The following SH2D1A variants were observed in gnomAD, a reference collection of about 807,000 sequenced individuals.
SH2D1A encodes SH2 domain-containing protein 1A.
Under a neutral mutation model 10.1 loss-of-function variants are expected in SH2D1A, and 6 were observed. The observed-to-expected ratio is 0.60, with a 90% CI of 0.33 to 1.18. The LOEUF is 1.18. SH2D1A is among the 50% of genes most tolerant of loss of function. The pLI, the probability that SH2D1A is intolerant of heterozygous loss-of-function variation, is 0.04. For synonymous variants in SH2D1A, 42 were observed against 36.9 expected, an observed-to-expected ratio of 1.14 and a Z score of -0.51; for missense variants, 51 against 97.6, an observed-to-expected ratio of 0.52 and a Z score of 2.01.
chrX:124,363,482 GA>G (rs1485284294), intron 1 of SH2D1A, among the ~76,000 whole-genome samples: 2 of 111,624 alleles, frequency 1.8e-5, no homozygotes, highest in East Asian at 5.6e-4. Context: ...TAATGGAGCT[GA>G]AAAATTCCTA....
intron 1 of SH2D1A, 104 bp downstream of exon 1, chrX:124,346,883 G>C: frequency 2.0e-6 from 2 of 978,272 alleles, no homozygotes; most frequent in Non-Finnish European, 2.9e-6. Flanking sequence ...GCCGGCGTTA[G>C]CAGCTCGCCG....
At chrX:124,350,020 A>G (rs1362908356) in intron 1 of SH2D1A, among the ~76,000 whole-genome samples, 2 of 99,967 alleles carry the variant, frequency 2.0e-5, no homozygotes, top group African/African-American at 3.6e-5. Flanking sequence ...TTTCTTCTAT[A>G]TTTTAATAAG....
chrX:124,346,726 C>T lies in SH2D1A; in HGVS notation c.84C>T (p.Ser28=), dbSNP rs748536692. 4 of 1,210,185 alleles carry T rather than the reference C, an allele frequency of 3.3e-6. No individual in the cohort carries two copies. The Admixed American group carries it at 6.5e-5, about 20-fold the overall frequency. The change falls in exon 1 of 4, where the codon AGC becomes AGT. Residue 28 remains serine, a synonymous_variant. Coordinates refer to ENST00000371139, the MANE Select transcript of SH2D1A (RefSeq NM_002351.5). ...KLLLATGLDG[S]YLLRDSESVP... ...TGCTTGCCACTGGGCTGGATGGCAGCTATTTGCTGAGGGACAGCGAGAGCG... is the reference window on the plus strand; with the variant it reads ...TGCTTGCCACTGGGCTGGATGGCAGTTATTTGCTGAGGGACAGCGAGAGCG...
At chrX:124,352,414 G>T (rs1192680975) in intron 1 of SH2D1A, among the ~76,000 whole-genome samples, 1 of 110,810 alleles carries the variant, frequency 9.0e-6, no homozygotes, top group African/African-American at 3.3e-5. Flanking sequence ...AAAATTATTT[G>T]CTATTCTTAT....
chrX:124,369,018 TAG>T (rs1222226862), intron 2 of SH2D1A, among the ~76,000 whole-genome samples: 3 of 111,083 alleles, frequency 2.7e-5, no homozygotes, highest in African/African-American at 9.8e-5. Flanking sequence ...AACACTAATA[TAG>T]AGCTAAAAAG....
At chrX:124,350,634 ATT>A (rs2060010451) in intron 1 of SH2D1A, among the ~76,000 whole-genome samples, 1 of 48,235 alleles carries the variant, frequency 2.1e-5, no homozygotes, top group African/African-American at 9.9e-5. Flanking sequence ...TATATTATAT[ATT>A]GTATATAAGA....
intron 2 of SH2D1A, 49 bp from the exon 3 acceptor site, chrX:124,370,127 G>A (rs1444123237): frequency 4.2e-6 from 4 of 963,256 alleles, no homozygotes; most frequent in Middle Eastern, 2.6e-4. Context: ...AGGTCTTTTT[G>A]TATCATTATG....
At chrX:124,363,922 A>AAAAAG (rs1273364278) in intron 1 of SH2D1A, among the ~76,000 whole-genome samples, 1 of 105,707 alleles carries the variant, frequency 9.5e-6, no homozygotes, top group Admixed American at 1.0e-4. Flanking sequence ...AAAAAGAAAG[A>AAAAAG]AAAAGAAAAA....
chrX:124,366,782 G>GTT (rs2060055957), intron 2 of SH2D1A, among the ~76,000 whole-genome samples: 2 of 109,360 alleles, frequency 1.8e-5, no homozygotes, highest in Admixed American at 2.0e-4. Flanking sequence ...ATTTATACCT[G>GTT]TTTATTTAAA....
chrX:124,371,512 T>C lies in SH2D1A; in HGVS notation c.*121T>C. 1 of 441,456 alleles carries C rather than the reference T, an allele frequency of 2.3e-6. No individual in the cohort carries two copies. The highest frequency in any genetic ancestry group is 3.8e-6 in the Non-Finnish European group (1 of 264,421). The allele number at this position is 441,456 out of a possible 1,213,427, so 36.4% of individuals were successfully genotyped here. A position where few individuals can be genotyped will look rare whatever the true frequency, so the allele number is the denominator to read the frequency against. Reference sequence around the variant, plus strand: ...CATTTCTAAAGCCATTGTAGTCCTGTAATGGAAGCATCTAGCATGTCGTCA... The same window carrying C: ...CATTTCTAAAGCCATTGTAGTCCTGCAATGGAAGCATCTAGCATGTCGTCA... On this transcript the variant is annotated 3_prime_UTR_variant, in exon 4 of 4. Coordinates refer to ENST00000371139, the MANE Select transcript of SH2D1A (RefSeq NM_002351.5).
chrX:124,357,675 C>A (rs1272595917), intron 1 of SH2D1A, among the ~76,000 whole-genome samples: 4 of 111,926 alleles, frequency 3.6e-5, no homozygotes, highest in Non-Finnish European at 7.5e-5. Flanking sequence ...AATAACCATC[C>A]TAACAGGTGT....
intron 2 of SH2D1A, among the ~76,000 whole-genome samples, chrX:124,367,224 G>T (rs193056851): frequency 8.9e-6 from 1 of 111,798 alleles, no homozygotes; most frequent in African/African-American, 3.2e-5. Context: ...CATGACATCC[G>T]CAAATAGAAA....
At chrX:124,355,277 A>G (rs180763522) in intron 1 of SH2D1A, among the ~76,000 whole-genome samples, 22 of 46,424 alleles carry the variant, frequency 4.7e-4, no homozygotes, top group Non-Finnish European at 6.6e-4. Flanking sequence ...AAAATAAGAA[A>G]TAAGTCAGGT....
rs1159840522 is a variant in SH2D1A at position 124,370,303 on chromosome X, G to C, written c.329G>C (p.Ser110Thr). Residue 110 changes from serine to threonine, a missense_variant, in exon 3 of 4, where the codon AGT becomes ACT. Coordinates refer to ENST00000371139, the MANE Select transcript of SH2D1A (RefSeq NM_002351.5). ...YPVEKKSSARSTQGTTGIRED... is the reference protein window; with the variant it reads ...YPVEKKSSARTTQGTTGIRED... Reference sequence around the variant, plus strand: ...GTTGAGAAGAAGTCCTCAGCTAGAAGTACACAAGGTACTACAGGTATGATT... The same window carrying C: ...GTTGAGAAGAAGTCCTCAGCTAGAACTACACAAGGTACTACAGGTATGATT... 2 of 1,202,475 alleles carry C rather than the reference G, an allele frequency of 1.7e-6. No homozygotes were observed. The highest frequency in any genetic ancestry group is 3.5e-5 in the African/African-American group (2 of 57,019).
At position 124,370,161 on chromosome X, in the gene SH2D1A, C is replaced by A; in HGVS notation, c.202-15C>A. 1 of 1,181,676 alleles carries A rather than the reference C, an allele frequency of 8.5e-7. No homozygotes were observed. The highest frequency in any genetic ancestry group is 1.2e-6 in the Non-Finnish European group (1 of 868,095). On this transcript the variant is annotated splice_polypyrimidine_tract_variant and intron_variant, in intron 2 of 3. Coordinates refer to ENST00000371139, the MANE Select transcript of SH2D1A (RefSeq NM_002351.5). The stretch of plus-strand genomic sequence containing the variant: ...TGAGATAGGTAAATAATTTGCTTGG[C>A]CTTTTATTTTCCAGACAGCACCTGG...
At chrX:124,366,971 T>C (rs1227783830) in intron 2 of SH2D1A, among the ~76,000 whole-genome samples, 4 of 109,397 alleles carry the variant, frequency 3.7e-5, no homozygotes, top group African/African-American at 1.3e-4. Context: ...AGAAATACCC[T>C]TCAGCTGCTG....
At chrX:124,362,481 G>A (rs904930804) in intron 1 of SH2D1A, among the ~76,000 whole-genome samples, 1 of 112,189 alleles carries the variant, frequency 8.9e-6, no homozygotes, top group African/African-American at 3.2e-5. Flanking sequence ...CTCCCTTTTG[G>A]AATGGGAATG....
intron 1 of SH2D1A, among the ~76,000 whole-genome samples, chrX:124,351,529 C>A (rs1382153269): frequency 1.8e-5 from 2 of 110,750 alleles, no homozygotes; most frequent in African/African-American, 6.5e-5. Flanking sequence ...TACATGCTCA[C>A]CTGTAATGCA....
At chrX:124,355,969 G>T (rs1181497942) in intron 1 of SH2D1A, among the ~76,000 whole-genome samples, 1 of 109,416 alleles carries the variant, frequency 9.1e-6, no homozygotes, top group African/African-American at 3.3e-5. Context: ...GTGCAGGTTT[G>T]TTACATATGT....
Sources: gnomAD v4.1 joint callset for allele counts (sites outside exome capture counted in the v4.1 genomes callset) on GRCh38, gnomAD v4.1.1 for gene constraint, MANE v1.5 for transcripts, NCBI Gene and HGNC (gene_info 2026-07-23, HGNC 2026-07-21) for gene names.